The following SYK variants were observed in gnomAD, a reference collection of about 807,000 sequenced individuals.
SYK encodes the protein tyrosine-protein kinase SYK.
In SYK, 16 loss-of-function variants were observed where a neutral mutation model predicts 77.8. The ratio of observed to expected loss-of-function variants is 0.21; its 90% CI spans 0.14 to 0.31. SYK has a LOEUF of 0.31. Ranked by LOEUF, SYK falls within the 10% of genes least tolerant of loss-of-function variation. The pLI is 1.00. For missense variants in SYK, 529 were observed against 814.4 expected (o/e 0.65, Z 4.26); for synonymous variants, 312 against 308.7 (o/e 1.01, Z -0.11).
At chr9:90,860,874 G>A (rs1300855001) in intron 3 of SYK, among the ~76,000 whole-genome samples, 1 of 152,110 alleles carries the variant, frequency 6.6e-6, no homozygotes, top group East Asian at 1.9e-4. Flanking sequence ...GGAGGCATCA[G>A]AAATTTCCCC....
intron 10 of SYK, among the ~76,000 whole-genome samples, chr9:90,878,458 G>C (rs999469513): frequency 2.6e-5 from 4 of 152,200 alleles, no homozygotes; most frequent in African/African-American, 7.2e-5. Context: ...TGACCTGTGT[G>C]ATACTGGAAC....
chr9:90,865,133 T>C, intron 6 of SYK, 36 bp downstream of exon 6: 1 of 1,595,776 alleles, frequency 6.3e-7, no homozygotes, highest in Non-Finnish European at 8.6e-7. Flanking sequence ...AATGAGAAGC[T>C]GTTGCATATT....
chr9:90,830,867 G>A (rs1194096143), intron 1 of SYK, among the ~76,000 whole-genome samples: 2 of 152,130 alleles, frequency 1.3e-5, no homozygotes, highest in Non-Finnish European at 2.9e-5. Context: ...TTACAAGCGT[G>A]AGCCACCACA....
chr9:90,845,215 C>T (rs757492197), intron 2 of SYK, among the ~76,000 whole-genome samples: 7 of 152,138 alleles, frequency 4.6e-5, no homozygotes, highest in Admixed American at 1.3e-4. Flanking sequence ...GGATTATAAG[C>T]GTGAGCCACC....
chr9:90,881,201 C>T (rs1331076189), intron 11 of SYK, among the ~76,000 whole-genome samples: 1 of 151,832 alleles, frequency 6.6e-6, no homozygotes, highest in African/African-American at 2.4e-5. Flanking sequence ...TATTAAACAG[C>T]ATACCATTAA....
chr9:90,888,737 G>A, intron 13 of SYK, 110 bp downstream of exon 13: 1 of 842,366 alleles, frequency 1.2e-6, no homozygotes, highest in Non-Finnish European at 1.7e-6. Flanking sequence ...TCAGGAATGT[G>A]CCCGCTTTCT....
intron 3 of SYK, among the ~76,000 whole-genome samples, chr9:90,853,080 G>A (rs906598424): frequency 4.6e-5 from 7 of 151,824 alleles, no homozygotes; most frequent in Non-Finnish European, 8.8e-5. Context: ...GCCTTCACGA[G>A]TGCAACCCAG....
At chr9:90,883,074 A>G (rs1828218178) in intron 11 of SYK, among the ~76,000 whole-genome samples, 1 of 152,130 alleles carries the variant, frequency 6.6e-6, no homozygotes, top group African/African-American at 2.4e-5. Context: ...GCTTGGTGCC[A>G]TACTGAGAAC....
At chr9:90,802,041 T>G (rs200499728) in intron 1 of SYK, 148 bp downstream of exon 1, 2 of 152,292 alleles carry the variant, frequency 1.3e-5, no homozygotes, top group East Asian at 3.9e-4. Flanking sequence ...AAAATACAGG[T>G]GGGTTCCGCC....
At chr9:90,874,052 C>T (rs540741600) in intron 7 of SYK, 152 bp from the exon 8 acceptor site, 1 of 675,712 alleles carries the variant, frequency 1.5e-6, no homozygotes, top group African/African-American at 1.8e-5. Context: ...ATGAGATCAG[C>T]CTTATTTTCT....
At chr9:90,802,231 C>G (rs965376606) in intron 1 of SYK, among the ~76,000 whole-genome samples, 2 of 152,130 alleles carry the variant, frequency 1.3e-5, no homozygotes, top group African/African-American at 4.8e-5. Flanking sequence ...TCGGGAGACG[C>G]GGGATTGGGA....
intron 11 of SYK, among the ~76,000 whole-genome samples, chr9:90,882,536 T>C (rs1222808941): frequency 6.6e-6 from 1 of 152,228 alleles, no homozygotes; most frequent in Non-Finnish European, 1.5e-5. Context: ...TGCTATGCAG[T>C]TTTGACCTCT....
At chr9:90,874,372 T>C in intron 8 of SYK, 81 bp downstream of exon 8, 1 of 1,390,820 alleles carries the variant, frequency 7.2e-7, no homozygotes, top group South Asian at 1.2e-5. Context: ...GGTTCACGAA[T>C]CCACACCACG....
intron 1 of SYK, among the ~76,000 whole-genome samples, chr9:90,826,296 A>G (rs1334759081): frequency 6.6e-6 from 1 of 152,254 alleles, no homozygotes; most frequent in Non-Finnish European, 1.5e-5. Flanking sequence ...GAGGATAACA[A>G]TAGTATCTAC....
At chr9:90,806,897 T>TATTTTTG (rs3838336) in intron 1 of SYK, among the ~76,000 whole-genome samples, 35,376 of 152,040 alleles carry the variant, frequency 0.23, 4,163 homozygotes, top group Middle Eastern at 0.35. Flanking sequence ...TGAGAATGTT[T>TATTTTTG]ATTTTTGTGG....
chr9:90,859,880 G>A (rs1489620201), intron 3 of SYK, among the ~76,000 whole-genome samples: 1 of 152,222 alleles, frequency 6.6e-6, no homozygotes, highest in African/African-American at 2.4e-5. Context: ...ACCTGTGCTT[G>A]TCTGTCTCAG....
At chr9:90,854,331 T>A (rs1444520110) in intron 3 of SYK, among the ~76,000 whole-genome samples, 1 of 152,036 alleles carries the variant, frequency 6.6e-6, no homozygotes, top group African/African-American at 2.4e-5. Context: ...TCAGGCCCAG[T>A]AGTTTGCAGA....
intron 1 of SYK, among the ~76,000 whole-genome samples, chr9:90,830,256 G>A (rs565286948): frequency 2.0e-5 from 3 of 152,364 alleles, no homozygotes; most frequent in Non-Finnish European, 2.9e-5. Context: ...TCAGGATGGC[G>A]CCGTGGAGGG....
At chr9:90,815,175 G>A (rs1587810975) in intron 1 of SYK, among the ~76,000 whole-genome samples, 2 of 152,148 alleles carry the variant, frequency 1.3e-5, no homozygotes, top group Admixed American at 6.5e-5. Context: ...GATGTAGAGA[G>A]GTAACGTGTT....
Sources: gnomAD v4.1 joint callset for allele counts (sites outside exome capture counted in the v4.1 genomes callset) on GRCh38, gnomAD v4.1.1 for gene constraint, MANE v1.5 for transcripts, NCBI Gene and HGNC (gene_info 2026-07-23, HGNC 2026-07-21) for gene names.